B4GALT1: variants seen among roughly 807,000 people sequenced by gnomAD.
The protein encoded by B4GALT1 is N-acetyllactosamine synthase.
B4GALT1 carries 16 observed loss-of-function variants against 34.9 expected under a neutral mutation model. The ratio of observed to expected loss-of-function variants is 0.46; its 90% CI spans 0.31 to 0.70. The LOEUF is 0.70. B4GALT1 is among the 30% of genes least tolerant of loss of function. B4GALT1 has a pLI of 0.05. For synonymous variants in B4GALT1, 221 were observed against 218.1 expected (o/e 1.01, Z -0.12); for missense variants, 445 against 530.5 (o/e 0.84, Z 1.58).
chr9:33,105,314 T>C (rs948605425), intron 2 of B4GALT1, among the ~76,000 whole-genome samples: 1 of 151,976 alleles, frequency 6.6e-6, no homozygotes, highest in African/African-American at 2.4e-5. Context: ...TAATTTTGTA[T>C]TTTTAGTAGA....
chr9:33,114,222 G>A (rs1193400210), intron 4 of B4GALT1, among the ~76,000 whole-genome samples: 4 of 152,260 alleles, frequency 2.6e-5, no homozygotes, highest in Non-Finnish European at 5.9e-5. Flanking sequence ...AGACACAGAG[G>A]AAGAAGCATA....
At chr9:33,150,636 T>C (rs1372761812) in intron 1 of B4GALT1, among the ~76,000 whole-genome samples, 1 of 152,296 alleles carries the variant, frequency 6.6e-6, no homozygotes, top group African/African-American at 2.4e-5. Context: ...GATGGAACTG[T>C]TCTGTATCCT....
rs1417369688 is a variant in B4GALT1, at chr9:33,167,305, TGA to T, written c.-138_-137del. On this transcript the variant is annotated 5_prime_UTR_variant, in exon 1 of 6. Coordinates refer to ENST00000379731, the MANE Select transcript of B4GALT1 (RefSeq NM_001497.4). ...CGGGGGCGGGCGAGCGGCTGAGAGC[TGA>T]GACTCCTCCAGCCAGCCAGACCTGG... The T allele has an allele frequency of 3.4e-5, 40 of 1,168,896 alleles. No homozygotes were observed. In the Admixed American group the frequency reaches 1.4e-3, roughly 42 times the overall value. 72.4% of individuals were successfully genotyped at this position (1,168,896 alleles called of 1,614,324 possible).
rs1840002334 is a variant in B4GALT1, at chr9:33,120,348, C to A, written c.836+71G>T. 3 of 1,566,564 alleles carry A rather than the reference C, an allele frequency of 1.9e-6. No homozygotes were observed. In the African/African-American group the frequency reaches 4.1e-5, roughly 21 times the overall value. ...GCTTAAAGAGGCACTCTTGAGCTGC[C>A]AGGACTGCATTTCCTAGTCAACACA... On this transcript the variant is annotated intron_variant, in intron 3 of 5. Coordinates refer to ENST00000379731, the MANE Select transcript of B4GALT1 (RefSeq NM_001497.4).
At chr9:33,167,364 G>T, upstream of B4GALT1, 1 of 645,072 alleles carries the variant, frequency 1.6e-6, no homozygotes, top group Non-Finnish European at 2.2e-6. Flanking sequence ...GGCGCCGGCG[G>T]AGAGGGGAGG....
intron 1 of B4GALT1, among the ~76,000 whole-genome samples, chr9:33,160,968 A>G (rs1183003216): frequency 2.0e-5 from 3 of 152,030 alleles, no homozygotes; most frequent in Non-Finnish European, 4.4e-5. Context: ...AAAAGGCAAA[A>G]GCAAAGACCC....
intron 3 of B4GALT1, among the ~76,000 whole-genome samples, chr9:33,118,704 T>C (rs1839977402): frequency 6.6e-6 from 1 of 151,712 alleles, no homozygotes. Flanking sequence ...AAGTTGTATC[T>C]AAAATAAAGG....
chr9:33,153,264 A>C (rs1466307598), intron 1 of B4GALT1, among the ~76,000 whole-genome samples: 1 of 152,212 alleles, frequency 6.6e-6, no homozygotes, highest in Non-Finnish European at 1.5e-5. Flanking sequence ...GTATCTATCA[A>C]AACGTTTAAA....
At chr9:33,117,691 T>C (rs895652722) in intron 3 of B4GALT1, among the ~76,000 whole-genome samples, 1 of 152,254 alleles carries the variant, frequency 6.6e-6, no homozygotes, top group African/African-American at 2.4e-5. Context: ...TCAGGAATTC[T>C]GACTGTAAGG....
At position 33,113,078 on chromosome 9, in the gene B4GALT1, G is replaced by A; in HGVS notation, c.*376C>T. Reference sequence around the variant, plus strand: ...TTAGCAGCACTCTCCGAATTTTCACGAATAAGAAAACCATAATTTAAAGAA... The same window carrying A: ...TTAGCAGCACTCTCCGAATTTTCACAAATAAGAAAACCATAATTTAAAGAA... On this transcript the variant is annotated 3_prime_UTR_variant, in exon 6 of 6. Coordinates refer to ENST00000379731, the MANE Select transcript of B4GALT1 (RefSeq NM_001497.4). The A allele has an allele frequency of 7.2e-6, 2 of 279,496 alleles. No homozygotes were observed. Among genetic ancestry groups the A allele is most frequent in the Non-Finnish European group, 1.4e-5 (2 of 141,852 alleles). 17.3% of individuals were successfully genotyped at this position (279,496 alleles called of 1,614,324 possible). A position where few individuals can be genotyped will look rare whatever the true frequency, so the allele number is the denominator to read the frequency against.
At chr9:33,132,891 T>C (rs962401835) in intron 2 of B4GALT1, among the ~76,000 whole-genome samples, 12 of 151,634 alleles carry the variant, frequency 7.9e-5, no homozygotes, top group Admixed American at 7.2e-4. Context: ...GTATATATTT[T>C]ATTTATTTAT....
downstream of B4GALT1, among the ~76,000 whole-genome samples, chr9:33,109,851 C>T (rs145335741): frequency 2.3e-3 from 350 of 152,294 alleles, 2 homozygotes; most frequent in Middle Eastern, 0.02. Context: ...TATCTAGGGG[C>T]AGAACTGAAG....
At chr9:33,130,998 C>T (rs1840187122) in intron 2 of B4GALT1, among the ~76,000 whole-genome samples, 1 of 152,094 alleles carries the variant, frequency 6.6e-6, no homozygotes. Context: ...GAGAAGGATG[C>T]CTCATAACCC....
At chr9:33,183,724 T>C in the B4GALT1 span, among the ~76,000 whole-genome samples, 1 of 151,250 alleles carries the variant, frequency 6.6e-6, no homozygotes, top group Admixed American at 6.6e-5. Flanking sequence ...GTGGCACATG[T>C]ATACATATGT....
chr9:33,116,227 A>C lies in B4GALT1; in HGVS notation c.837-114T>G. ...TTAAAGTTATTCTTTTTGCTTCTCT[A>C]GAGTTTTTATTTATTTTTTTTTTGA... On this transcript the variant is annotated intron_variant, in intron 3 of 5. Coordinates refer to ENST00000379731, the MANE Select transcript of B4GALT1 (RefSeq NM_001497.4). The C allele has an allele frequency of 1.2e-5, 16 of 1,306,654 alleles. 1 individual carries two copies. The South Asian group carries it at 2.1e-4, about 17-fold the overall frequency. The allele number at this position is 1,306,654 out of a possible 1,614,324, so 80.9% of individuals were successfully genotyped here. A position where few individuals can be genotyped will look rare whatever the true frequency, so the allele number is the denominator to read the frequency against.
intron 1 of B4GALT1, among the ~76,000 whole-genome samples, chr9:33,136,828 C>G (rs897528594): frequency 1.3e-5 from 2 of 152,210 alleles, no homozygotes; most frequent in African/African-American, 2.4e-5. Context: ...CTGGTGAGAA[C>G]CCGCCCAGGG....
upstream of B4GALT1, among the ~76,000 whole-genome samples, chr9:33,168,771 G>A (rs1418947104): frequency 6.6e-6 from 1 of 152,158 alleles, no homozygotes; most frequent in African/African-American, 2.4e-5. Flanking sequence ...TCCAAATGCT[G>A]ATCACTGATT....
intron 2 of B4GALT1, among the ~76,000 whole-genome samples, chr9:33,124,575 G>C (rs1840066341): frequency 6.6e-6 from 1 of 152,188 alleles, no homozygotes; most frequent in South Asian, 2.1e-4. Context: ...GGCTGAGGTT[G>C]CAGTGAGCCA....
At chr9:33,104,822 C>CTTT in intron 2 of B4GALT1, 40 of 402,296 alleles carry the variant, frequency 9.9e-5, no homozygotes, top group East Asian at 2.2e-4. Flanking sequence ...ATCATTTTAC[C>CTTT]TTTTTTTTTT....
Sources: gnomAD v4.1 joint callset for allele counts (sites outside exome capture counted in the v4.1 genomes callset) on GRCh38, gnomAD v4.1.1 for gene constraint, MANE v1.5 for transcripts, NCBI Gene and HGNC (gene_info 2026-07-23, HGNC 2026-07-21) for gene names.